CNOT1: variants seen among roughly 807,000 people sequenced by gnomAD.
CNOT1 encodes CCR4-associated factor 1.
A neutral mutation model predicts 273.8 loss-of-function variants in CNOT1; 15 were observed. The observed-to-expected ratio is 0.05, with a 90% CI of 0.04 to 0.08. The LOEUF (loss-of-function observed/expected upper bound fraction) is 0.08. Among genes scored for constraint, CNOT1 ranks in the 10% least tolerant of loss-of-function variants. The pLI is 1.00. For missense variants in CNOT1, 1,644 were observed against 2,912.2 expected (o/e 0.56, Z 10.02); for synonymous variants, 1,022 against 1,005.5 (o/e 1.02, Z -0.31).
chr16:58,614,810 A>G (rs1193642820), intron 1 of CNOT1, among the ~76,000 whole-genome samples: 2 of 125,402 alleles, frequency 1.6e-5, no homozygotes, highest in Admixed American at 1.6e-4. Context: ...CCCAGGCTCA[A>G]GCGATCCTCC....
intron 31 of CNOT1, 155 bp downstream of exon 31, chr16:58,543,452 G>T (rs3180805): frequency 1.3e-6 from 2 of 1,491,858 alleles, no homozygotes; most frequent in South Asian, 1.3e-5. Flanking sequence ...TTGCCTCACA[G>T]AATTACAATC....
At chr16:58,555,165 G>A (rs117610965) in intron 21 of CNOT1, 86 bp downstream of exon 21, 46,651 of 1,534,610 alleles carry the variant, frequency 0.03, 883 homozygotes, top group Non-Finnish European at 0.037. Flanking sequence ...CCGAGATTGC[G>A]CCACTGCACT....
intron 2 of CNOT1, among the ~76,000 whole-genome samples, chr16:58,591,493 C>G (rs1293787518): frequency 3.3e-5 from 5 of 152,138 alleles, no homozygotes; most frequent in African/African-American, 1.2e-4. Context: ...GAGGCTCATG[C>G]CTGTAATCCC....
At chr16:58,550,728 A>C (rs2040422870) in intron 24 of CNOT1, among the ~76,000 whole-genome samples, 1 of 152,196 alleles carries the variant, frequency 6.6e-6, no homozygotes, top group South Asian at 2.1e-4. Context: ...CCTAACGCCC[A>C]TGTTGCTCAA....
At chr16:58,629,236 G>A (rs1304802577) in intron 1 of CNOT1, among the ~76,000 whole-genome samples, 1 of 152,208 alleles carries the variant, frequency 6.6e-6, no homozygotes, top group Admixed American at 6.5e-5. Flanking sequence ...GAGAAGAACT[G>A]GAAACATGCA....
At chr16:58,581,167 G>A (rs1241222794) in intron 11 of CNOT1, among the ~76,000 whole-genome samples, 178 bp downstream of exon 11, 1 of 152,134 alleles carries the variant, frequency 6.6e-6, no homozygotes, top group Non-Finnish European at 1.5e-5. Flanking sequence ...AAAGGAGTCT[G>A]CCTAATACTA....
intron 23 of CNOT1, 42 bp downstream of exon 23, chr16:58,551,547 T>TAATC (rs1226593696): frequency 6.3e-7 from 1 of 1,579,688 alleles, no homozygotes; most frequent in African/African-American, 1.3e-5. Flanking sequence ...TATTACAATA[T>TAATC]AATCATAAAT....
At chr16:58,526,511 T>TAAAAAAAA (rs57367601) in intron 44 of CNOT1, among the ~76,000 whole-genome samples, 5 of 80,812 alleles carry the variant, frequency 6.2e-5, no homozygotes, top group East Asian at 3.6e-4. Flanking sequence ...ACTTACTCCT[T>TAAAAAAAA]AAAAAAAAAA....
intron 40 of CNOT1, chr16:58,532,853 G>A (rs2039813674): frequency 6.4e-6 from 1 of 156,166 alleles, no homozygotes; most frequent in Non-Finnish European, 1.4e-5. Flanking sequence ...AACAGTGAGG[G>A]GCTTGAAGAA....
chr16:58,574,544 GC>G, intron 16 of CNOT1, 64 bp downstream of exon 16: 1 of 1,448,154 alleles, frequency 6.9e-7, no homozygotes. Context: ...CTCTTCTTCC[GC>G]AAGTCTACAA....
At chr16:58,594,915 G>C (rs2042198001) in intron 2 of CNOT1, among the ~76,000 whole-genome samples, 1 of 151,870 alleles carries the variant, frequency 6.6e-6, no homozygotes, top group Non-Finnish European at 1.5e-5. Context: ...AGGAGTTCAA[G>C]ACCGGCCTGG....
intron 1 of CNOT1, among the ~76,000 whole-genome samples, chr16:58,622,230 C>T (rs911227062): frequency 2.0e-5 from 3 of 149,696 alleles, no homozygotes; most frequent in South Asian, 2.1e-4. Context: ...AGGAGAATGG[C>T]GTGAACCCGG....
intron 46 of CNOT1, 200 bp from the exon 47 acceptor site, chr16:58,523,702 A>T (rs1968722119): frequency 4.5e-6 from 2 of 448,708 alleles, no homozygotes; most frequent in African/African-American, 3.9e-5. Context: ...ATTAGATTTT[A>T]AAAATATTCA....
At chr16:58,588,688 A>G in intron 3 of CNOT1, 111 bp downstream of exon 3, 1 of 1,287,948 alleles carries the variant, frequency 7.8e-7, no homozygotes, top group Non-Finnish European at 1.0e-6. Flanking sequence ...CCATCCAGCT[A>G]CAATCACTTC....
At position 58,520,905 on chromosome 16, in the gene CNOT1, C is replaced by T. The variant is rs1056372434; in HGVS notation, c.*53G>A. ...AAGGATTCTTCAGTCAGTTTATGAA[C>T]TCGGTGCAGTGAGACCTCTAGACTG... On this transcript the variant is annotated 3_prime_UTR_variant, in exon 49 of 49. Transcript: ENST00000317147. 20 of 1,558,394 alleles carry T rather than the reference C, an allele frequency of 1.3e-5. No homozygotes were observed. The African/African-American group carries it at 2.6e-4, about 20-fold the overall frequency.
At chr16:58,593,285 C>T (rs938285593) in intron 2 of CNOT1, among the ~76,000 whole-genome samples, 6 of 152,144 alleles carry the variant, frequency 3.9e-5, no homozygotes, top group Middle Eastern at 3.4e-3. Flanking sequence ...ATTGGCCGGG[C>T]GCAGTGGCTC....
chr16:58,620,154 T>G (rs1377065018), intron 1 of CNOT1, among the ~76,000 whole-genome samples: 1 of 152,188 alleles, frequency 6.6e-6, no homozygotes, highest in Non-Finnish European at 1.5e-5. Flanking sequence ...ACTGTATATA[T>G]GCACTGGGGA....
chr16:58,582,962 C>G (rs1253693213), intron 9 of CNOT1, 59 bp from the exon 10 acceptor site: 28 of 1,610,642 alleles, frequency 1.7e-5, no homozygotes, highest in South Asian at 2.2e-5. Flanking sequence ...CACTTCTGGT[C>G]GATAGAACAA....
At chr16:58,576,680 A>G in intron 13 of CNOT1, 98 bp from the exon 14 acceptor site, 9 of 1,535,962 alleles carry the variant, frequency 5.9e-6, no homozygotes, top group Non-Finnish European at 7.9e-6. Context: ...TTGTATAAAA[A>G]TCAGGTATAC....
Sources: allele counts gnomAD v4.1 joint callset (sites outside exome capture counted in the v4.1 genomes callset), GRCh38; gene constraint gnomAD v4.1.1; transcripts MANE v1.5; gene names NCBI Gene and HGNC (gene_info 2026-07-23, HGNC 2026-07-21).